Variants in CLYBL observed in about 807,000 individuals in gnomAD.
CLYBL encodes citramalyl-CoA lyase, mitochondrial.
A neutral mutation model predicts 38.9 loss-of-function variants in CLYBL; 31 were observed. The observed-to-expected ratio is 0.80, with a 90% CI of 0.60 to 1.08. The LOEUF (loss-of-function observed/expected upper bound fraction) is 1.08. Ranked by LOEUF, CLYBL falls within the 50% of genes least tolerant of loss-of-function variation. The pLI, the probability that CLYBL is intolerant of heterozygous loss-of-function variation, is 0.00. For missense variants in CLYBL, 434 were observed against 411.6 expected (o/e 1.05, Z -0.47); for synonymous variants, 171 against 158.6 (o/e 1.08, Z -0.59).
intron 2 of CLYBL, among the ~76,000 whole-genome samples, chr13:99,804,754 A>C (rs576166444): frequency 6.6e-6 from 1 of 152,260 alleles, no homozygotes; most frequent in Non-Finnish European, 1.5e-5. Flanking sequence ...CTTTTTAAAA[A>C]AGTGATAAAA....
chr13:99,627,826 A>G (rs2046891539), intron 1 of CLYBL, among the ~76,000 whole-genome samples: 1 of 152,228 alleles, frequency 6.6e-6, no homozygotes, highest in South Asian at 2.1e-4. Flanking sequence ...TCAGACCTGC[A>G]TTCACGTATT....
intron 1 of CLYBL, among the ~76,000 whole-genome samples, chr13:99,707,328 G>C (rs2048161424): frequency 6.6e-6 from 1 of 152,056 alleles, no homozygotes; most frequent in Non-Finnish European, 1.5e-5. Context: ...GGAGTGTAGT[G>C]GTGCGATCTC....
intron 1 of CLYBL, among the ~76,000 whole-genome samples, chr13:99,660,155 A>G (rs1397116265): frequency 6.6e-6 from 1 of 152,184 alleles, no homozygotes; most frequent in Non-Finnish European, 1.5e-5. Context: ...AAATGATGTG[A>G]TTAAAAAGGA....
At chr13:99,896,355 A>G (rs1201377982), downstream of CLYBL, 1 of 152,218 alleles carries the variant, frequency 6.6e-6, no homozygotes, top group East Asian at 1.9e-4. Context: ...ACACTGTAAC[A>G]ATAACGTCTC....
chr13:99,776,970 C>T (rs368195576), intron 2 of CLYBL, among the ~76,000 whole-genome samples: 288 of 152,004 alleles, frequency 1.9e-3, no homozygotes, highest in African/African-American at 6.5e-3. Context: ...ATCTCCGCCT[C>T]CTGGGTTCAA....
intron 1 of CLYBL, among the ~76,000 whole-genome samples, chr13:99,669,155 C>T (rs79537990): frequency 6.6e-6 from 1 of 152,088 alleles, no homozygotes; most frequent in African/African-American, 2.4e-5. Flanking sequence ...GCATGTGCCA[C>T]CATGCCCAGC....
At chr13:99,671,221 G>A (rs545392520) in intron 1 of CLYBL, among the ~76,000 whole-genome samples, 92 of 152,278 alleles carry the variant, frequency 6.0e-4, no homozygotes, top group Admixed American at 1.9e-3. Context: ...CCCCTGCCAT[G>A]ATTCTCTCTC....
intron 3 of CLYBL, among the ~76,000 whole-genome samples, chr13:99,860,084 C>CA (rs2051563129): frequency 6.6e-6 from 1 of 152,114 alleles, no homozygotes; most frequent in South Asian, 2.1e-4. Context: ...GCCACTATGA[C>CA]ATGTGGCTTC....
chr13:99,700,425 CAA>C (rs1478044558), intron 1 of CLYBL, among the ~76,000 whole-genome samples: 6 of 152,304 alleles, frequency 3.9e-5, no homozygotes, highest in South Asian at 2.1e-4. Flanking sequence ...GCCTGGGCAA[CAA>C]GAGAAAAACT....
chr13:99,772,726 A>G, intron 1 of CLYBL, 98 bp from the exon 2 acceptor site: 1 of 983,858 alleles, frequency 1.0e-6, no homozygotes, highest in Non-Finnish European at 1.5e-6. Flanking sequence ...AAGATTATCC[A>G]TGTGTTCTAT....
chr13:99,795,272 T>C (rs1486329759), intron 2 of CLYBL, among the ~76,000 whole-genome samples: 2 of 152,212 alleles, frequency 1.3e-5, no homozygotes, highest in Admixed American at 6.5e-5. Context: ...AGTTAACAGT[T>C]GGGCCCTGAA....
intron 1 of CLYBL, among the ~76,000 whole-genome samples, chr13:99,643,969 C>T (rs1276698324): frequency 2.9e-5 from 4 of 139,912 alleles, no homozygotes; most frequent in African/African-American, 1.1e-4. Context: ...TGCGCCATTG[C>T]ACTCCAGCCT....
chr13:99,830,395 G>A (rs560929308), intron 2 of CLYBL, among the ~76,000 whole-genome samples: 5 of 152,326 alleles, frequency 3.3e-5, no homozygotes, highest in African/African-American at 9.6e-5. Context: ...AGATGAGGAG[G>A]CTGAGCGTGG....
intron 1 of CLYBL, among the ~76,000 whole-genome samples, chr13:99,624,086 CTT>C (rs770767819): frequency 2.0e-5 from 3 of 152,248 alleles, no homozygotes; most frequent in Non-Finnish European, 4.4e-5. Flanking sequence ...AAGGCCATGT[CTT>C]TGGAACAGGG....
intron 7 of CLYBL, among the ~76,000 whole-genome samples, chr13:99,890,710 C>T (rs1458398784): frequency 2.0e-5 from 3 of 152,210 alleles, no homozygotes; most frequent in East Asian, 1.9e-4. Flanking sequence ...TCAGGTGATC[C>T]GCCCGCCCCG....
At chr13:99,673,951 AAG>A (rs1455407069) in intron 1 of CLYBL, among the ~76,000 whole-genome samples, 1 of 152,076 alleles carries the variant, frequency 6.6e-6, no homozygotes, top group African/African-American at 2.4e-5. Flanking sequence ...TTGGAAATAA[AAG>A]AGGAGTCAAG....
At chr13:99,765,792 G>T (rs1458937058) in intron 1 of CLYBL, among the ~76,000 whole-genome samples, 1 of 150,610 alleles carries the variant, frequency 6.6e-6, no homozygotes, top group South Asian at 2.1e-4. Flanking sequence ...CAATCCACCC[G>T]CCTTGGCCTT....
chr13:99,785,952 C>T (rs1196981356), intron 2 of CLYBL, among the ~76,000 whole-genome samples: 3 of 151,960 alleles, frequency 2.0e-5, no homozygotes, highest in South Asian at 2.1e-4. Flanking sequence ...ATTGACTCCT[C>T]ACTATGGAGA....
intron 1 of CLYBL, among the ~76,000 whole-genome samples, chr13:99,650,491 C>G (rs2047238272): frequency 6.6e-6 from 1 of 152,202 alleles, no homozygotes; most frequent in African/African-American, 2.4e-5. Context: ...CATCTACTTT[C>G]CTCTCCTTGC....
Sources: allele counts gnomAD v4.1 joint callset (sites outside exome capture counted in the v4.1 genomes callset), GRCh38; gene constraint gnomAD v4.1.1; transcripts MANE v1.5; gene names NCBI Gene and HGNC (gene_info 2026-07-23, HGNC 2026-07-21).